ZNF23: variants seen among roughly 807,000 people sequenced by gnomAD.
The protein encoded by ZNF23 is zinc finger protein 23, also known as kruppel-like zinc finger factor X31.
ZNF23 carries 48 observed loss-of-function variants against 56.2 expected under a neutral mutation model. The observed-to-expected ratio is 0.85, with a 90% confidence interval of 0.68 to 1.09. The LOEUF (loss-of-function observed/expected upper bound fraction) is 1.09, where lower values mean the gene tolerates loss of function less well. ZNF23 is among the 50% of genes least tolerant of loss of function. The pLI is 0.00. For synonymous variants in ZNF23, 266 were observed against 283.3 expected (o/e 0.94, Z 0.61); for missense variants, 805 against 811.4 (o/e 0.99, Z 0.10).
At chr16:71,458,126 A>G (rs2043306887) in intron 1 of ZNF23, among the ~76,000 whole-genome samples, 1 of 152,148 alleles carries the variant, frequency 6.6e-6, no homozygotes, top group Non-Finnish European at 1.5e-5. Context: ...CTGTTTCCCA[A>G]ACTTTCCAGT....
intron 2 of ZNF23, 156 bp downstream of exon 2, chr16:71,456,608 T>C (rs2043242001): frequency 1.3e-6 from 1 of 766,388 alleles, no homozygotes; most frequent in Admixed American, 6.3e-5. Flanking sequence ...GCTACTGTCC[T>C]GGTCTCTGCC....
Position 71,449,588 on chromosome 16 carries a change from C to T in ZNF23, c.566G>A (p.Gly189Glu), listed in dbSNP as rs1227592890. ...TTTTGTATCAAAGCTGATGGATTTC[C>T]CCAATCCTGTACACCCAGAGGGCTG... The part of the protein sequence containing the change: ...GEQPSGCTGL[G>E]KSISFDTKLV... Residue 189 changes from glycine (G) to glutamate (E), a missense_variant, in exon 5 of 5, where the codon GGG (glycine) becomes GAG (glutamate). Transcript: ENST00000647773. 6.2e-7 allele frequency: 1 copy of T among 1,613,938 alleles called. No individual in the cohort carries two copies. Among genetic ancestry groups the T allele is most frequent in the African/African-American group, 1.3e-5 (1 of 74,900 alleles).
At chr16:71,460,423 T>C (rs766440672) in intron 1 of ZNF23, among the ~76,000 whole-genome samples, 1 of 152,208 alleles carries the variant, frequency 6.6e-6, no homozygotes, top group Non-Finnish European at 1.5e-5. Flanking sequence ...AGATGGCCAG[T>C]GAAGAACTAA....
chr16:71,450,856 T>A, intron 4 of ZNF23: 1 of 205,656 alleles, frequency 4.9e-6, no homozygotes, highest in Non-Finnish European at 1.0e-5. Flanking sequence ...GTTCCTTACT[T>A]AAAAAAAAAT....
At chr16:71,456,619 G>A (rs1237584099) in intron 2 of ZNF23, 145 bp downstream of exon 2, 11 of 857,128 alleles carry the variant, frequency 1.3e-5, no homozygotes, top group African/African-American at 1.8e-5. Context: ...GGTCTCTGCC[G>A]CCCTCCCTGC....
chr16:71,448,205 T>C lies in ZNF23; in HGVS notation c.1949A>G (p.Gln650Arg). 3.1e-6 allele frequency: 5 copies of C among 1,614,268 alleles called. No homozygotes were observed. Among genetic ancestry groups the C allele is most frequent in the Non-Finnish European group, 4.2e-6 (5 of 1,180,036 alleles). ...GGGTTTCTTCCAAGTGTGGACTGTC[T>C]GATGTATAATGTAGTCAGAACTAAA... is the stretch of plus-strand genomic sequence containing the variant. ...FSFSSDYIIH[Q>R]TVHTWKKPYM... The change falls in exon 5 of 5, where the codon CAG (glutamine) becomes CGG (arginine). Residue 650 changes from glutamine (Q) to arginine (R), a missense_variant. Gln to Arg is a conservative substitution (Grantham distance 43, BLOSUM62 1). Coordinates refer to ENST00000647773, the MANE Select transcript of ZNF23 (RefSeq NM_001381984.1).
rs1014844153 is a variant in ZNF23 at position 71,453,595 on chromosome 16, G to A, written c.161-245C>T. On this transcript the variant is annotated intron_variant, in intron 3 of 4. Coordinates refer to ENST00000647773, the MANE Select transcript of ZNF23 (RefSeq NM_001381984.1). ...TGAAGGCTTGGGAACGTGTGGGAGA[G>A]CCTGGTTAGGGCCCAGACTGTAGGC... 4 of 502,692 alleles carry A rather than the reference G, an allele frequency of 8.0e-6. No homozygotes were observed. In the East Asian group the frequency reaches 9.9e-5, roughly 12 times the overall value. The allele number at this position is 502,692 out of a possible 1,614,324, so 31.1% of individuals were successfully genotyped here. A position where few individuals can be genotyped will look rare whatever the true frequency, so the allele number is the denominator to read the frequency against.
rs768144012 is a variant in ZNF23, at chr16:71,449,200, C to A, written c.954G>T (p.Thr318=). The change falls in exon 5 of 5, where the codon ACG becomes ACT. Residue 318 remains threonine, a synonymous_variant. Transcript: ENST00000647773. ...CCTTGCACTGATAGGGCTTCTCTCC[C>A]GTATGGATTCTCTGATGCCTACTTA... ...GSLSRHQRIH[T]GEKPYQCKEC... The A allele has an allele frequency of 1.2e-6, 2 of 1,613,800 alleles. No homozygotes were observed. Among genetic ancestry groups the A allele is most frequent in the Non-Finnish European group, 1.7e-6 (2 of 1,179,924 alleles).
chr16:71,453,554 A>C, intron 3 of ZNF23: 1 of 528,610 alleles, frequency 1.9e-6, no homozygotes, highest in Non-Finnish European at 3.4e-6. Context: ...TGGGAGGCAA[A>C]TGTGGGGGTT....
intron 1 of ZNF23, among the ~76,000 whole-genome samples, chr16:71,457,903 G>A (rs56222754): frequency 0.12 from 18,492 of 152,104 alleles, 1,223 homozygotes; most frequent in Non-Finnish European, 0.15. Flanking sequence ...TGGACTGGCT[G>A]GGCTGCAGCC....
intron 2 of ZNF23, among the ~76,000 whole-genome samples, chr16:71,454,630 C>T (rs1425986551): frequency 6.6e-6 from 1 of 152,092 alleles, no homozygotes; most frequent in East Asian, 1.9e-4. Context: ...CTCATCCAGC[C>T]CCACCAGATT....
At chr16:71,450,051 A>G (rs1567561036) in intron 4 of ZNF23, 166 bp from the exon 5 acceptor site, 8 of 523,862 alleles carry the variant, frequency 1.5e-5, no homozygotes, top group Non-Finnish European at 2.6e-5. Flanking sequence ...TTTGTAACTA[A>G]CTAGTAAAAG....
chr16:71,448,686 G>A lies in ZNF23; in HGVS notation c.1468C>T (p.Pro490Ser). 4.3e-6 allele frequency: 7 copies of A among 1,614,170 alleles called. No homozygotes were observed. The highest frequency in any genetic ancestry group is 5.9e-6 in the Non-Finnish European group (7 of 1,180,038). The change falls in exon 5 of 5, where the codon CCC becomes TCC. Residue 490 changes from proline to serine, a missense_variant. Coordinates refer to ENST00000647773, the MANE Select transcript of ZNF23 (RefSeq NM_001381984.1). ...TTTCCACACTCATTACACTCATAGGGCTTCTCCCCAGTGTGAATTCTCAGA... is the reference window on the plus strand; with the variant it reads ...TTTCCACACTCATTACACTCATAGGACTTCTCCCCAGTGTGAATTCTCAGA... ...QHLRIHTGEK[P>S]YECNECGKAF...
At chr16:71,458,319 T>C (rs1244674779) in intron 1 of ZNF23, among the ~76,000 whole-genome samples, 1 of 152,228 alleles carries the variant, frequency 6.6e-6, no homozygotes, top group Non-Finnish European at 1.5e-5. Context: ...TTTCCTAAAA[T>C]ATCATCCATT....
At position 71,447,717 on chromosome 16, in the gene ZNF23, CCAA is replaced by C. The variant is rs148987034; in HGVS notation, c.*373_*375del. 6.9e-3 allele frequency: 1,119 copies of C among 161,182 alleles called. 20 individuals are homozygous for C. The highest frequency in any genetic ancestry group is 0.025 in the African/African-American group (1,045 of 41,908). 10.0% of individuals were successfully genotyped at this position (161,182 alleles called of 1,614,324 possible). On this transcript the variant is annotated 3_prime_UTR_variant, in exon 5 of 5. Transcript: ENST00000647773. ...GTATCTTTAGTACGGGTTTTCCTAT[CCAA>C]CAACAAGGCTTCTCTCTCTCTCCAT...
At chr16:71,458,557 G>C (rs572329953) in intron 1 of ZNF23, among the ~76,000 whole-genome samples, 32 of 152,126 alleles carry the variant, frequency 2.1e-4, no homozygotes, top group Non-Finnish European at 4.1e-4. Flanking sequence ...ATATGGAGAC[G>C]GGGCCTGTCA....
rs1421163843 is a variant in ZNF23, at chr16:71,453,569, G to C, written c.161-219C>G. 1.9e-5 allele frequency: 10 copies of C among 525,574 alleles called. No homozygotes were observed. In the Admixed American group the frequency reaches 3.2e-4, roughly 17 times the overall value. 32.6% of individuals were successfully genotyped at this position (525,574 alleles called of 1,614,324 possible). A position where few individuals can be genotyped will look rare whatever the true frequency, so the allele number is the denominator to read the frequency against. On this transcript the variant is annotated intron_variant, in intron 3 of 4. Coordinates refer to ENST00000647773, the MANE Select transcript of ZNF23 (RefSeq NM_001381984.1). Reference sequence around the variant, plus strand: ...TGGGAGGCAAATGTGGGGGTTGGGGGTGAAGGCTTGGGAACGTGTGGGAGA... The same window carrying C: ...TGGGAGGCAAATGTGGGGGTTGGGGCTGAAGGCTTGGGAACGTGTGGGAGA...
At chr16:71,461,697 CAA>C (rs1263893606) in intron 1 of ZNF23, 1 of 152,176 alleles carries the variant, frequency 6.6e-6, no homozygotes, top group Non-Finnish European at 1.5e-5. Context: ...CAATGTCCTC[CAA>C]AAGCCGGGCT....
chr16:71,448,056 G>C lies in ZNF23; in HGVS notation c.*37C>G. On this transcript the variant is annotated 3_prime_UTR_variant, in exon 5 of 5. Transcript: ENST00000647773. Reference sequence around the variant, plus strand: ...ATCTGATGATACTTGATCCATTTTGGCATTAACCTTAAGAGTTTTCTATAT... The same window carrying C: ...ATCTGATGATACTTGATCCATTTTGCCATTAACCTTAAGAGTTTTCTATAT... The C allele has an allele frequency of 1.3e-6, 2 of 1,499,152 alleles. No individual in the cohort carries two copies. Among genetic ancestry groups the C allele is most frequent in the South Asian group, 2.7e-5 (2 of 74,230 alleles). The allele number at this position is 1,499,152 out of a possible 1,614,324, so 92.9% of individuals were successfully genotyped here. A position where few individuals can be genotyped will look rare whatever the true frequency, so the allele number is the denominator to read the frequency against.
Sources: allele counts gnomAD v4.1 joint callset (sites outside exome capture counted in the v4.1 genomes callset), GRCh38; gene constraint gnomAD v4.1.1; transcripts MANE v1.5; gene names NCBI Gene and HGNC (gene_info 2026-07-23, HGNC 2026-07-21).